EXOC6B: variants seen among roughly 807,000 people sequenced by gnomAD.
The protein encoded by EXOC6B is exocyst complex component 6B.
EXOC6B carries 54 observed loss-of-function variants against 113.5 expected under a neutral mutation model. The observed-to-expected ratio is 0.48, with a 90% CI of 0.38 to 0.60. EXOC6B has a LOEUF of 0.60. Ranked by LOEUF, EXOC6B falls within the 20% of genes least tolerant of loss-of-function variation. The probability of loss-of-function intolerance (pLI) is 0.00; values close to 1 mark genes in which losing one functional copy is unlikely to be tolerated. For synonymous variants in EXOC6B, 357 were observed against 339.0 expected (o/e 1.05, Z -0.58); for missense variants, 797 against 977.5 (o/e 0.82, Z 2.46).
At chr2:72,621,199 C>T (rs1409073289) in intron 6 of EXOC6B, among the ~76,000 whole-genome samples, 1 of 152,120 alleles carries the variant, frequency 6.6e-6, no homozygotes, top group Non-Finnish European at 1.5e-5. Flanking sequence ...AAGACACATG[C>T]ACCCATTATG....
intron 11 of EXOC6B, among the ~76,000 whole-genome samples, chr2:72,502,051 C>G (rs1382528191): frequency 6.6e-6 from 1 of 152,084 alleles, no homozygotes; most frequent in African/African-American, 2.4e-5. Flanking sequence ...GCATCAGCCA[C>G]CACACTTGGC....
chr2:72,630,268 T>G (rs1026335113), intron 6 of EXOC6B, among the ~76,000 whole-genome samples: 6 of 152,186 alleles, frequency 3.9e-5, no homozygotes, highest in African/African-American at 1.4e-4. Context: ...CCACATGCTC[T>G]CTGGATCTCC....
intron 5 of EXOC6B, among the ~76,000 whole-genome samples, chr2:72,727,029 T>G (rs2104757869): frequency 6.6e-6 from 1 of 152,268 alleles, no homozygotes; most frequent in Middle Eastern, 3.4e-3. Context: ...CCATTTTATA[T>G]AAGGGACTTA....
At chr2:72,347,452 G>A (rs2104929541) in intron 19 of EXOC6B, among the ~76,000 whole-genome samples, 1 of 152,190 alleles carries the variant, frequency 6.6e-6, no homozygotes. Context: ...ATTTTACATT[G>A]AGAAAGCATT....
intron 6 of EXOC6B, among the ~76,000 whole-genome samples, chr2:72,680,853 T>C (rs1307755256): frequency 2.0e-5 from 3 of 152,134 alleles, no homozygotes; most frequent in African/African-American, 7.2e-5. Flanking sequence ...CTGTCTTAGA[T>C]CAAGTCAATT....
chr2:72,300,959 G>A (rs1466799505), intron 20 of EXOC6B, among the ~76,000 whole-genome samples: 1 of 152,136 alleles, frequency 6.6e-6, no homozygotes, highest in Non-Finnish European at 1.5e-5. Flanking sequence ...GTGCAGGCTG[G>A]AGCTGTTCCT....
At chr2:72,558,784 A>G (rs1271190061) in intron 8 of EXOC6B, among the ~76,000 whole-genome samples, 1 of 152,098 alleles carries the variant, frequency 6.6e-6, no homozygotes, top group Admixed American at 6.5e-5. Flanking sequence ...AGAAAAAAAA[A>G]AGATATATAT....
chr2:72,393,721 G>A lies in EXOC6B; in HGVS notation c.1981-13851C>T, dbSNP rs1380312512. 2.0e-5 allele frequency among the ~76,000 whole-genome samples: 3 copies of A among 152,028 alleles called. No homozygotes were observed. The East Asian group carries it at 5.8e-4, about 29-fold the overall frequency. On this transcript the variant is annotated intron_variant, in intron 18 of 21. Coordinates refer to ENST00000272427, the MANE Select transcript of EXOC6B (RefSeq NM_015189.3). Reference sequence around the variant, plus strand: ...TAGTCTTGATTTCCATTGTCATCTAGGCAAACATTTTTGCTTTATTTACAA... The same window carrying A: ...TAGTCTTGATTTCCATTGTCATCTAAGCAAACATTTTTGCTTTATTTACAA...
In EXOC6B at chr2:72,184,067, G is replaced by T; in HGVS notation, c.2309+8C>A. The T allele has an allele frequency of 6.7e-7, 1 of 1,483,196 alleles. No individual in the cohort carries two copies. Among genetic ancestry groups the T allele is most frequent in the Non-Finnish European group, 9.2e-7 (1 of 1,082,386 alleles). The allele number at this position is 1,483,196 out of a possible 1,614,324, so 91.9% of individuals were successfully genotyped here. On this transcript the variant is annotated splice_region_variant and intron_variant, in intron 21 of 21. Coordinates refer to ENST00000272427, the MANE Select transcript of EXOC6B (RefSeq NM_015189.3). ...CTCCCAACACAGACCATTGGACAAG[G>T]TACTCACTTCTCAAGCAGGGTCAGA... is the stretch of plus-strand genomic sequence containing the variant.
chr2:72,548,639 G>A (rs1703036669), intron 8 of EXOC6B, among the ~76,000 whole-genome samples: 1 of 152,110 alleles, frequency 6.6e-6, no homozygotes, highest in Non-Finnish European at 1.5e-5. Context: ...CAAAAGGAGA[G>A]TAATTATCGT....
chr2:72,324,494 T>C (rs1199451766), intron 20 of EXOC6B, among the ~76,000 whole-genome samples: 1 of 152,208 alleles, frequency 6.6e-6, no homozygotes, highest in African/African-American at 2.4e-5. Context: ...GCCACTACAG[T>C]ACAGTGACAG....
At chr2:72,242,895 G>A (rs1190374460) in intron 20 of EXOC6B, among the ~76,000 whole-genome samples, 3 of 152,094 alleles carry the variant, frequency 2.0e-5, no homozygotes, top group African/African-American at 7.2e-5. Flanking sequence ...ACCACGCCTT[G>A]CTAATATTTA....
At chr2:72,716,653 C>T (rs988372285) in intron 6 of EXOC6B, among the ~76,000 whole-genome samples, 1 of 152,088 alleles carries the variant, frequency 6.6e-6, no homozygotes, top group African/African-American at 2.4e-5. Flanking sequence ...TTCAACCCAA[C>T]CTGAATTCTA....
rs141826011 is a variant in EXOC6B at position 72,194,569 on chromosome 2, T to TTCTCTCTCTCTCTCTCTCTC, written c.2197-10402_2197-10383dup. 2.1e-3 allele frequency among the ~76,000 whole-genome samples: 299 copies of TTCTCTCTCTCTCTCTCTCTC among 143,868 alleles called. 2 individuals are homozygous for TTCTCTCTCTCTCTCTCTCTC. The highest frequency in any genetic ancestry group is 6.6e-3 in the African/African-American group (243 of 36,892). 94.4% of individuals were successfully genotyped at this position (143,868 alleles called of 152,430 possible). On this transcript the variant is annotated intron_variant, in intron 20 of 21. Transcript: ENST00000272427. ...GCTCCCAATTGCTTGGGTGAATGAT[T>TTCTCTCTCTCTCTCTCTCTC]TCTCTCTCTCTCTCTCTCTCTCTCT...
chr2:72,200,942 T>C (rs993677998), intron 20 of EXOC6B, among the ~76,000 whole-genome samples: 12 of 152,170 alleles, frequency 7.9e-5, no homozygotes, highest in Admixed American at 5.9e-4. Flanking sequence ...TAAAACATCA[T>C]AAATAAAGAT....
chr2:72,572,394 A>G (rs935655798), intron 7 of EXOC6B, among the ~76,000 whole-genome samples: 6 of 152,220 alleles, frequency 3.9e-5, no homozygotes, highest in Non-Finnish European at 8.8e-5. Flanking sequence ...ATTGTTGGAC[A>G]AAACAGTTCT....
intron 6 of EXOC6B, among the ~76,000 whole-genome samples, chr2:72,629,843 T>C (rs576582842): frequency 6.6e-6 from 1 of 152,304 alleles, no homozygotes; most frequent in South Asian, 2.1e-4. Flanking sequence ...CTCTGTCTTC[T>C]ACCCACAACA....
chr2:72,220,174 T>C (rs1368042069), intron 20 of EXOC6B, among the ~76,000 whole-genome samples: 1 of 152,208 alleles, frequency 6.6e-6, no homozygotes, highest in Admixed American at 6.5e-5. Context: ...GGAAATCAGG[T>C]GAATTTATCT....
At chr2:72,442,340 G>A (rs558969208) in intron 18 of EXOC6B, among the ~76,000 whole-genome samples, 8 of 152,164 alleles carry the variant, frequency 5.3e-5, no homozygotes, top group African/African-American at 1.9e-4. Context: ...CGCAAAAAAT[G>A]GCACAAGACA....
Sources: allele counts gnomAD v4.1 joint callset (sites outside exome capture counted in the v4.1 genomes callset), GRCh38; gene constraint gnomAD v4.1.1; transcripts MANE v1.5; gene names NCBI Gene and HGNC (gene_info 2026-07-23, HGNC 2026-07-21).